The following PDZRN3 variants were observed in gnomAD, a reference collection of about 807,000 sequenced individuals.
The protein encoded by PDZRN3 is E3 ubiquitin-protein ligase PDZRN3.
A neutral mutation model predicts 85.7 loss-of-function variants in PDZRN3; 38 were observed. That is an observed-to-expected ratio of 0.44 (90% CI 0.34 to 0.58). PDZRN3 has a LOEUF of 0.58. Among genes scored for constraint, PDZRN3 ranks in the 20% least tolerant of loss-of-function variants. PDZRN3 has a pLI of 0.01. For synonymous variants in PDZRN3, 759 were observed against 638.0 expected, an observed-to-expected ratio of 1.19 and a Z score of -2.86; for missense variants, 1,629 against 1,506.4, an observed-to-expected ratio of 1.08 and a Z score of -1.35.
intron 5 of PDZRN3, among the ~76,000 whole-genome samples, chr3:73,393,982 T>C (rs1320897875): frequency 1.3e-5 from 2 of 152,202 alleles, no homozygotes; most frequent in Non-Finnish European, 2.9e-5. Flanking sequence ...TTGTTCATGT[T>C]GCTAATCATG....
intron 3 of PDZRN3, chr3:73,408,389 T>C (rs1187094340): frequency 3.4e-6 from 2 of 590,464 alleles, no homozygotes; most frequent in Non-Finnish European, 6.0e-6. Flanking sequence ...GATCCTGTAG[T>C]AGAAGAGACA....
At chr3:73,391,182 G>A in intron 5 of PDZRN3, 66 bp from the exon 6 acceptor site, 1 of 951,584 alleles carries the variant, frequency 1.1e-6, no homozygotes. Flanking sequence ...GATGTCAAAT[G>A]CTTTAAAAAT....
intron 3 of PDZRN3, among the ~76,000 whole-genome samples, chr3:73,573,207 G>A (rs1056515478): frequency 2.6e-5 from 4 of 152,230 alleles, no homozygotes; most frequent in Non-Finnish European, 5.9e-5. Context: ...CAGATCAACA[G>A]CTAGGCAAGA....
At chr3:73,616,338 C>G (rs865883789) in intron 1 of PDZRN3, among the ~76,000 whole-genome samples, 1 of 151,808 alleles carries the variant, frequency 6.6e-6, no homozygotes, top group Non-Finnish European at 1.5e-5. Flanking sequence ...AGCAAGGCTA[C>G]TCATCTAAAA....
Position 73,384,565 on chromosome 3 carries a change from A to G in PDZRN3, c.2001T>C (p.Pro667=). 2 of 1,613,600 alleles carry G rather than the reference A, an allele frequency of 1.2e-6. No individual in the cohort carries two copies. The highest frequency in any genetic ancestry group is 2.2e-5 in the South Asian group (2 of 91,086). The change falls in exon 10 of 10, where the codon CCT becomes CCC. Residue 667 remains proline (P), a synonymous_variant. Transcript: ENST00000263666. ...KSATPYGLYY[P]SGPLDAGKSD... The stretch of plus-strand genomic sequence containing the variant: ...TCTTGCCGGCGTCCAGGGGGCCGCT[A>G]GGGTAGTACAGGCCGTAAGGGGTGG...
At chr3:73,581,399 T>C (rs1425696722) in intron 3 of PDZRN3, among the ~76,000 whole-genome samples, 1 of 152,234 alleles carries the variant, frequency 6.6e-6, no homozygotes, top group Non-Finnish European at 1.5e-5. Context: ...TGTGAACGCA[T>C]GATTTAGTTA....
chr3:73,495,301 T>TA (rs11390546), intron 3 of PDZRN3, among the ~76,000 whole-genome samples: 109,845 of 151,590 alleles, frequency 0.72, 40,058 homozygotes, highest in East Asian at 0.92. Flanking sequence ...ATTTTGCTTG[T>TA]AAAAAAAAAT....
chr3:73,518,497 T>C (rs1704293396), intron 3 of PDZRN3, among the ~76,000 whole-genome samples: 1 of 152,184 alleles, frequency 6.6e-6, no homozygotes, highest in Non-Finnish European at 1.5e-5. Flanking sequence ...GTTAAGGTGG[T>C]ACATTTTATG....
intron 3 of PDZRN3, among the ~76,000 whole-genome samples, chr3:73,422,351 A>G (rs1185236482): frequency 1.3e-5 from 2 of 152,184 alleles, no homozygotes; most frequent in Non-Finnish European, 2.9e-5. Context: ...CAGCTGTCTC[A>G]TCTGTGAAAT....
Position 73,590,416 on chromosome 3 carries a change from G to A in PDZRN3, c.918+11938C>T, listed in dbSNP as rs149028859. 1.4e-3 allele frequency among the ~76,000 whole-genome samples: 210 copies of A among 152,170 alleles called. 2 individuals are homozygous for A. The highest frequency in any genetic ancestry group is 4.8e-3 in the African/African-American group (200 of 41,522). On this transcript the variant is annotated intron_variant, in intron 3 of 9. Coordinates refer to ENST00000263666, the MANE Select transcript of PDZRN3 (RefSeq NM_015009.3). ...AACAATTCTCTGAGAAAACAATTCCGTCTAACTTGGCACTTAGTGCCCTTC... is the reference window on the plus strand; with the variant it reads ...AACAATTCTCTGAGAAAACAATTCCATCTAACTTGGCACTTAGTGCCCTTC...
Position 73,383,660 on chromosome 3 carries a change from A to T in PDZRN3, c.2906T>A (p.Met969Lys), listed in dbSNP as rs781699745. The T allele has an allele frequency of 6.2e-7, 1 of 1,612,288 alleles. No individual in the cohort carries two copies. The highest frequency in any genetic ancestry group is 8.5e-7 in the Non-Finnish European group (1 of 1,179,928). ...CTCCTCCTTGCTCCAGTAGCGCCCC[A>T]TCTTCATCTCGCTCACCGCGTCGTC... is the stretch of plus-strand genomic sequence containing the variant. ...TDDDAVSEMK[M>K]GRYWSKEERK... is the part of the protein sequence containing the mutation. The change falls in exon 10 of 10, where the codon ATG (methionine) becomes AAG (lysine). Residue 969 changes from methionine (M) to lysine (K), a missense_variant. Transcript: ENST00000263666.
intron 3 of PDZRN3, among the ~76,000 whole-genome samples, chr3:73,600,827 G>A (rs1702506136): frequency 6.6e-6 from 1 of 152,146 alleles, no homozygotes; most frequent in Admixed American, 6.5e-5. Flanking sequence ...AAGACAGTAA[G>A]TAACGCATTT....
At chr3:73,421,195 G>A (rs1043504024) in intron 3 of PDZRN3, among the ~76,000 whole-genome samples, 3 of 152,130 alleles carry the variant, frequency 2.0e-5, no homozygotes, top group Non-Finnish European at 4.4e-5. Flanking sequence ...TGTGCCATAC[G>A]GGTTCCAGAT....
In PDZRN3 at chr3:73,427,388, G is replaced by A. The variant is rs59195271; in HGVS notation, c.919-22993C>T. Among the ~76,000 whole-genome samples, 1,202 of 152,262 alleles carry A rather than the reference G, an allele frequency of 7.9e-3. 13 individuals are homozygous for A. The highest frequency in any genetic ancestry group is 0.027 in the African/African-American group (1,133 of 41,540). On this transcript the variant is annotated intron_variant, in intron 3 of 9. Coordinates refer to ENST00000263666, the MANE Select transcript of PDZRN3 (RefSeq NM_015009.3). ...AATGCAGGATTAGTGGGGCTCTGCT[G>A]TGCCTTCACCCCGAACTGTTGACGG...
At chr3:73,563,966 A>G (rs1228864831) in intron 3 of PDZRN3, among the ~76,000 whole-genome samples, 1 of 152,140 alleles carries the variant, frequency 6.6e-6, no homozygotes, top group East Asian at 1.9e-4. Flanking sequence ...TGTAATTATT[A>G]CCATGAACAT....
At chr3:73,427,632 C>T (rs1702344225) in intron 3 of PDZRN3, among the ~76,000 whole-genome samples, 1 of 152,170 alleles carries the variant, frequency 6.6e-6, no homozygotes, top group African/African-American at 2.4e-5. Context: ...CTCATGGCAA[C>T]GTGCAGCTGT....
At chr3:73,441,418 A>AAAG (rs1433843254) in intron 3 of PDZRN3, among the ~76,000 whole-genome samples, 1 of 151,098 alleles carries the variant, frequency 6.6e-6, no homozygotes, top group Non-Finnish European at 1.5e-5. Flanking sequence ...TCCCAAAAAA[A>AAAG]AAAAAAAAAA....
chr3:73,538,145 A>C (rs1199734363), intron 3 of PDZRN3, among the ~76,000 whole-genome samples: 1 of 152,190 alleles, frequency 6.6e-6, no homozygotes, highest in Non-Finnish European at 1.5e-5. Flanking sequence ...CCATTACCTG[A>C]AGATTAGGAC....
At chr3:73,456,245 G>T (rs991590507) in intron 3 of PDZRN3, among the ~76,000 whole-genome samples, 1 of 151,962 alleles carries the variant, frequency 6.6e-6, no homozygotes, top group Non-Finnish European at 1.5e-5. Context: ...TGTTATCATG[G>T]TGAAACCCTC....
Sources: gnomAD v4.1 joint callset for allele counts (sites outside exome capture counted in the v4.1 genomes callset) on GRCh38, gnomAD v4.1.1 for gene constraint, MANE v1.5 for transcripts, NCBI Gene and HGNC (gene_info 2026-07-23, HGNC 2026-07-21) for gene names.